The following CCDC178 variants were observed in gnomAD, a reference collection of about 807,000 sequenced individuals.
CCDC178 encodes coiled-coil domain containing 178.
In CCDC178, 126 loss-of-function variants were observed where a neutral mutation model predicts 117.4. The ratio of observed to expected loss-of-function variants is 1.07; its 90% CI spans 0.93 to 1.24. CCDC178 has a LOEUF of 1.24. Among genes scored for constraint, CCDC178 ranks in the 50% most tolerant of loss-of-function variants. CCDC178 has a pLI of 0.00. For missense variants in CCDC178, 1,030 were observed against 986.9 expected (o/e 1.04, Z -0.59); for synonymous variants, 283 against 313.4 (o/e 0.90, Z 1.02).
intron 21 of CCDC178, among the ~76,000 whole-genome samples, chr18:33,044,642 A>G (rs1201310770): frequency 6.6e-6 from 1 of 152,188 alleles, no homozygotes; most frequent in Non-Finnish European, 1.5e-5. Flanking sequence ...CTAAAAATAG[A>G]GCTACCATTT....
intron 18 of CCDC178, among the ~76,000 whole-genome samples, chr18:33,219,957 C>T (rs1436005974): frequency 6.6e-6 from 1 of 151,916 alleles, no homozygotes; most frequent in Non-Finnish European, 1.5e-5. Flanking sequence ...TTGACTTTCT[C>T]CCCTTTCCTA....
chr18:32,958,101 T>C (rs1353081598), intron 22 of CCDC178: 3 of 393,796 alleles, frequency 7.6e-6, no homozygotes, highest in African/African-American at 4.1e-5. Flanking sequence ...GGCTAAATTA[T>C]TGATGCTACA....
chr18:33,121,130 A>G (rs955071678), intron 20 of CCDC178, among the ~76,000 whole-genome samples: 1 of 152,180 alleles, frequency 6.6e-6, no homozygotes, highest in Non-Finnish European at 1.5e-5. Flanking sequence ...AGATTTGATT[A>G]AATCCATTAA....
At chr18:33,437,980 T>A (rs185989275) in intron 2 of CCDC178, among the ~76,000 whole-genome samples, 1 of 152,194 alleles carries the variant, frequency 6.6e-6, no homozygotes, top group East Asian at 1.9e-4. Context: ...TTTTCTAATA[T>A]AAGGATAAGT....
At chr18:33,308,049 C>T (rs2062282207) in intron 11 of CCDC178, among the ~76,000 whole-genome samples, 1 of 152,190 alleles carries the variant, frequency 6.6e-6, no homozygotes, top group Non-Finnish European at 1.5e-5. Flanking sequence ...TGGGGCACTG[C>T]CTGATGGAGC....
intron 2 of CCDC178, among the ~76,000 whole-genome samples, chr18:33,424,655 G>C (rs973090209): frequency 6.6e-6 from 1 of 152,166 alleles, no homozygotes; most frequent in Admixed American, 6.5e-5. Context: ...GGGGAGCCAC[G>C]GCACGGCCCA....
At chr18:33,437,480 G>C (rs895859446) in intron 2 of CCDC178, among the ~76,000 whole-genome samples, 1 of 152,070 alleles carries the variant, frequency 6.6e-6, no homozygotes, top group African/African-American at 2.4e-5. Flanking sequence ...TAAATCCAAA[G>C]GTTTTCCAGG....
chr18:33,125,208 T>C (rs1158865353), intron 20 of CCDC178, among the ~76,000 whole-genome samples: 1 of 152,160 alleles, frequency 6.6e-6, no homozygotes, highest in Admixed American at 6.6e-5. Flanking sequence ...TTTTGCATAA[T>C]ATAATGCACT....
intron 14 of CCDC178, among the ~76,000 whole-genome samples, chr18:33,247,124 C>G: frequency 6.7e-6 from 1 of 149,506 alleles, no homozygotes; most frequent in Non-Finnish European, 1.5e-5. Flanking sequence ...GTCAGAGAGA[C>G]AGAGACAGAG....
chr18:33,092,283 A>T (rs1007885064), intron 21 of CCDC178, among the ~76,000 whole-genome samples: 3 of 152,064 alleles, frequency 2.0e-5, no homozygotes, highest in African/African-American at 7.2e-5. Context: ...AGATTTTATA[A>T]AATATATTTA....
intron 21 of CCDC178, among the ~76,000 whole-genome samples, chr18:33,065,477 A>G (rs1269176673): frequency 6.6e-6 from 1 of 152,234 alleles, no homozygotes; most frequent in Non-Finnish European, 1.5e-5. Context: ...GATTTCCAGA[A>G]GGAGACGAGA....
rs552963537 is a variant in CCDC178 at position 33,392,640 on chromosome 18, A to G, written c.119-3011T>C. 5.9e-5 allele frequency among the ~76,000 whole-genome samples: 9 copies of G among 152,326 alleles called. No homozygotes were observed. The East Asian group carries it at 1.2e-3, about 20-fold the overall frequency. On this transcript the variant is annotated intron_variant, in intron 4 of 22. Coordinates refer to ENST00000383096, the MANE Select transcript of CCDC178 (RefSeq NM_001105528.4). ...AAATTCTTGTGTAAGTCAGATACTGACACGAAATAATCAGAATTGTATAAA... is the reference window on the plus strand; with the variant it reads ...AAATTCTTGTGTAAGTCAGATACTGGCACGAAATAATCAGAATTGTATAAA...
intron 20 of CCDC178, among the ~76,000 whole-genome samples, chr18:33,098,979 A>G (rs1232499339): frequency 6.6e-6 from 1 of 151,948 alleles, no homozygotes; most frequent in Non-Finnish European, 1.5e-5. Flanking sequence ...AAGAAAAAAA[A>G]ATCATTGATT....
intron 10 of CCDC178, among the ~76,000 whole-genome samples, chr18:33,327,563 A>T (rs1332214839): frequency 6.6e-6 from 1 of 152,280 alleles, no homozygotes; most frequent in Non-Finnish European, 1.5e-5. Context: ...CTATTTTTGC[A>T]TTCCCACCAG....
chr18:33,412,389 T>C (rs2063868776), intron 2 of CCDC178, among the ~76,000 whole-genome samples: 1 of 152,124 alleles, frequency 6.6e-6, no homozygotes, highest in Non-Finnish European at 1.5e-5. Flanking sequence ...GCATTGGCAA[T>C]TGTAGCTATG....
intron 20 of CCDC178, among the ~76,000 whole-genome samples, chr18:33,181,199 T>C (rs574257677): frequency 7.9e-5 from 12 of 151,956 alleles, no homozygotes; most frequent in Non-Finnish European, 1.6e-4. Context: ...AAGAACTTCA[T>C]CCTGTAAGTT....
chr18:33,166,664 A>C lies in CCDC178; in HGVS notation c.2238+45232T>G, dbSNP rs577509922. Among the ~76,000 whole-genome samples the C allele has an allele frequency of 2.0e-5, 3 of 152,328 alleles. No individual in the cohort carries two copies. The South Asian group carries it at 6.2e-4, about 32-fold the overall frequency. On this transcript the variant is annotated intron_variant, in intron 20 of 22. Coordinates refer to ENST00000383096, the MANE Select transcript of CCDC178 (RefSeq NM_001105528.4). Reference sequence around the variant, plus strand: ...ACCTCTCTGTCCCCATCATCTTTCTATCAGTAATACCTATTTATTTTCATG... The same window carrying C: ...ACCTCTCTGTCCCCATCATCTTTCTCTCAGTAATACCTATTTATTTTCATG...
chr18:33,036,907 G>T (rs555639112), intron 21 of CCDC178, among the ~76,000 whole-genome samples: 1 of 151,866 alleles, frequency 6.6e-6, no homozygotes, highest in Non-Finnish European at 1.5e-5. Context: ...AGCTGAGAGA[G>T]ACAATAGATT....
At position 33,033,404 on chromosome 18, in the gene CCDC178, T is replaced by C. The variant is rs147488824; in HGVS notation, c.2389-58723A>G. ...TCAATCTTTCTGCATCTTCTCACTTTAGTGTTTTCGGGATGAATCCAACAT... is the reference window on the plus strand; with the variant it reads ...TCAATCTTTCTGCATCTTCTCACTTCAGTGTTTTCGGGATGAATCCAACAT... On this transcript the variant is annotated intron_variant, in intron 21 of 22. Coordinates refer to ENST00000383096, the MANE Select transcript of CCDC178 (RefSeq NM_001105528.4). Among the ~76,000 whole-genome samples the C allele has an allele frequency of 2.8e-3, 428 of 152,230 alleles. 1 individual carries two copies. The highest frequency in any genetic ancestry group is 9.9e-3 in the African/African-American group (412 of 41,564).
Sources: allele counts gnomAD v4.1 joint callset (sites outside exome capture counted in the v4.1 genomes callset), GRCh38; gene constraint gnomAD v4.1.1; transcripts MANE v1.5; gene names NCBI Gene and HGNC (gene_info 2026-07-23, HGNC 2026-07-21).